Variants in CYP27B1 observed in about 807,000 individuals in gnomAD.
CYP27B1 encodes the protein 25-hydroxyvitamin D-1 alpha hydroxylase, mitochondrial.
A neutral mutation model predicts 54.8 loss-of-function variants in CYP27B1; 46 were observed. The ratio of observed to expected loss-of-function variants is 0.84; its 90% CI spans 0.66 to 1.07. The LOEUF (loss-of-function observed/expected upper bound fraction) is 1.07, where lower values mean the gene tolerates loss of function less well. Ranked by LOEUF, CYP27B1 falls within the 50% of genes least tolerant of loss-of-function variation. The probability of loss-of-function intolerance (pLI) is 0.00; values close to 1 mark genes in which losing one functional copy is unlikely to be tolerated. For missense variants in CYP27B1, 674 were observed against 692.2 expected (o/e 0.97, Z 0.30); for synonymous variants, 292 against 297.3 (o/e 0.98, Z 0.18).
In CYP27B1 at chr12:57,762,337, A is replaced by G. The variant is rs977785232; in HGVS notation, c.*805T>C. 6.6e-6 allele frequency: 1 copy of G among 152,298 alleles called. No homozygotes were observed. Among genetic ancestry groups the G allele is most frequent in the African/African-American group, 2.4e-5 (1 of 41,484 alleles). The allele number at this position is 152,298 out of a possible 1,614,324, so 9.4% of individuals were successfully genotyped here. ...ATATGAGAGAAATAAGTCAAAATCA[A>G]GAATGGAATATTTGATTTATTCTAA... On this transcript the variant is annotated 3_prime_UTR_variant, in exon 9 of 9. Coordinates refer to ENST00000228606, the MANE Select transcript of CYP27B1 (RefSeq NM_000785.4).
At chr12:57,763,974 G>T in intron 7 of CYP27B1, 124 bp downstream of exon 7, 1 of 1,078,018 alleles carries the variant, frequency 9.3e-7, no homozygotes, top group Non-Finnish European at 1.4e-6. Context: ...TCCTAGAAAG[G>T]CATATCCTAG....
At position 57,765,604 on chromosome 12, in the gene CYP27B1, G is replaced by T; in HGVS notation, c.387-105C>A. The T allele has an allele frequency of 8.3e-7, 1 of 1,211,590 alleles. No homozygotes were observed. Among genetic ancestry groups the T allele is most frequent in the Non-Finnish European group, 1.2e-6 (1 of 836,760 alleles). 75.1% of individuals were successfully genotyped at this position (1,211,590 alleles called of 1,614,324 possible). A position where few individuals can be genotyped will look rare whatever the true frequency, so the allele number is the denominator to read the frequency against. On this transcript the variant is annotated intron_variant, in intron 2 of 8. Transcript: ENST00000228606. This position sits in a 1 kb window ranked among gnomAD's most constrained non-coding sequence, Gnocchi z 5.8. ...GGCTGCGGTGGCCAGGAGAGGGATT[G>T]CGTCTGCCCCCTTGGGGTACGGAAA...
Position 57,765,573 on chromosome 12 carries a change from G to T in CYP27B1, c.387-74C>A, listed in dbSNP as rs1399027980. The T allele has an allele frequency of 1.4e-6, 2 of 1,456,586 alleles. No homozygotes were observed. Among genetic ancestry groups the T allele is most frequent in the Non-Finnish European group, 1.9e-6 (2 of 1,057,710 alleles). The allele number at this position is 1,456,586 out of a possible 1,614,324, so 90.2% of individuals were successfully genotyped here. ...ACGGGACTGGCTGCAGTGAAGGAGCGCGTTCGGCTGCGGTGGCCAGGAGAG... is the reference window on the plus strand; with the variant it reads ...ACGGGACTGGCTGCAGTGAAGGAGCTCGTTCGGCTGCGGTGGCCAGGAGAG... On this transcript the variant is annotated intron_variant, in intron 2 of 8. Transcript: ENST00000228606. This position sits in a 1 kb window ranked among gnomAD's most constrained non-coding sequence, Gnocchi z 5.8.
rs780328425 is a variant in CYP27B1 at position 57,765,974 on chromosome 12, G to A, written c.386+33C>T. The A allele has an allele frequency of 4.6e-6, 7 of 1,520,740 alleles. No homozygotes were observed. The highest frequency in any genetic ancestry group is 6.2e-6 in the Non-Finnish European group (7 of 1,136,408). 94.2% of individuals were successfully genotyped at this position (1,520,740 alleles called of 1,614,324 possible). On this transcript the variant is annotated intron_variant, in intron 2 of 8. Coordinates refer to ENST00000228606, the MANE Select transcript of CYP27B1 (RefSeq NM_000785.4). The surrounding 1 kb of genome is among the most constrained non-coding windows in gnomAD (Gnocchi z 5.8). The stretch of plus-strand genomic sequence containing the variant: ...CGCAGCAGGAGAGGGCCGCTGCAGG[G>A]CGTCTGGGCTTCTGGGGGCAGAGAA...
chr12:57,766,576 T>C, intron 1 of CYP27B1: 4 of 579,838 alleles, frequency 6.9e-6, no homozygotes, highest in Non-Finnish European at 1.2e-5. Context: ...CACTCCGGCC[T>C]CCCCCTCCCG....
Position 57,766,084 on chromosome 12 carries a change from G to A in CYP27B1, c.309C>T (p.Pro103=), listed in dbSNP as rs774932003. Residue 103 remains proline (P), a synonymous_variant, in exon 2 of 9, where the codon CCC becomes CCT. Transcript: ENST00000228606. ...LVEELLRQEG[P]RPERCSFSPW... is the part of the protein sequence containing the mutation. Reference sequence around the variant, plus strand: ...GCGAGAAGCTGCAGCGCTCGGGCCGGGGTCCCTCCTGTCGCAGCAGCTCCT... The same window carrying A: ...GCGAGAAGCTGCAGCGCTCGGGCCGAGGTCCCTCCTGTCGCAGCAGCTCCT... 10 of 1,551,396 alleles carry A rather than the reference G, an allele frequency of 6.4e-6. No individual in the cohort carries two copies. The Admixed American group carries it at 9.6e-5, about 15-fold the overall frequency.
rs1030714892 is a variant in CYP27B1 at position 57,766,117 on chromosome 12, T to C, written c.276A>G (p.Ala92=). The part of the protein sequence containing the change: ...TVRTVYVAAP[A]LVEELLRQEG... ...CCTGTCGCAGCAGCTCCTCGACGAG[T>C]GCAGGGGCAGCCACGTACACGGTGC... Residue 92 remains alanine (A), a synonymous_variant, in exon 2 of 9, where the codon GCA becomes GCG. Coordinates refer to ENST00000228606, the MANE Select transcript of CYP27B1 (RefSeq NM_000785.4). The C allele has an allele frequency of 6.5e-7, 1 of 1,545,980 alleles. No homozygotes were observed. The highest frequency in any genetic ancestry group is 1.9e-5 in the Admixed American group (1 of 51,388).
rs773431013 is a variant in CYP27B1 at position 57,766,820 on chromosome 12, TGTCTCGGGAAAGGC to T, written c.195+13_195+26del. ...GTCAAAACCAGTTTCCCCAGCACTC[TGTCTCGGGAAAGGC>T]GTCCCTTCCTACCTGCAGCTCGTGT... On this transcript the variant is annotated intron_variant, in intron 1 of 8. Coordinates refer to ENST00000228606, the MANE Select transcript of CYP27B1 (RefSeq NM_000785.4). The T allele has an allele frequency of 1.4e-5, 22 of 1,612,060 alleles. No individual in the cohort carries two copies. The highest frequency in any genetic ancestry group is 8.9e-5 in the East Asian group (4 of 44,876).
Position 57,766,105 on chromosome 12 carries a change from C to T in CYP27B1, c.288G>A (p.Glu96=). The T allele has an allele frequency of 6.5e-7, 1 of 1,546,716 alleles. No homozygotes were observed. The highest frequency in any genetic ancestry group is 1.2e-5 in the South Asian group (1 of 84,386). The change falls in exon 2 of 9, where the codon GAG becomes GAA. Residue 96 remains glutamate (E), a synonymous_variant. Coordinates refer to ENST00000228606, the MANE Select transcript of CYP27B1 (RefSeq NM_000785.4). ...GCCGGGGTCCCTCCTGTCGCAGCAG[C>T]TCCTCGACGAGTGCAGGGGCAGCCA... ...VYVAAPALVE[E]LLRQEGPRPE...
rs1042060478 is a variant in CYP27B1, at chr12:57,765,242, G to C, written c.590-31C>G. ...CGGGAGGGGGCGCCGTCAGGGTTCCGGGAGGCTCTGGTAGGGCGCCCCCGA... is the reference window on the plus strand; with the variant it reads ...CGGGAGGGGGCGCCGTCAGGGTTCCCGGAGGCTCTGGTAGGGCGCCCCCGA... On this transcript the variant is annotated intron_variant, in intron 3 of 8. Transcript: ENST00000228606. This position sits in a 1 kb window ranked among gnomAD's most constrained non-coding sequence, Gnocchi z 5.8. 1 of 1,611,260 alleles carries C rather than the reference G, an allele frequency of 6.2e-7. No individual in the cohort carries two copies. The highest frequency in any genetic ancestry group is 2.2e-5 in the East Asian group (1 of 44,788).
In CYP27B1 at chr12:57,765,228, G is replaced by A; in HGVS notation, c.590-17C>T. The A allele has an allele frequency of 6.2e-7, 1 of 1,611,442 alleles. No homozygotes were observed. On this transcript the variant is annotated splice_polypyrimidine_tract_variant and intron_variant, in intron 3 of 8. Transcript: ENST00000228606. This position sits in a 1 kb window ranked among gnomAD's most constrained non-coding sequence, Gnocchi z 5.8. The stretch of plus-strand genomic sequence containing the variant: ...CGGCGATGCCTTGTCGGGAGGGGGC[G>A]CCGTCAGGGTTCCGGGAGGCTCTGG...
Sources: allele counts gnomAD v4.1 joint callset, GRCh38; gene constraint gnomAD v4.1.1; non-coding constraint Gnocchi (gnomAD v3.1); transcripts MANE v1.5; gene names NCBI Gene and HGNC (gene_info 2026-07-23, HGNC 2026-07-21).